The following AKAP13 variants were observed in gnomAD, a reference collection of about 807,000 sequenced individuals.
The protein encoded by AKAP13 is A-kinase anchoring protein 13.
AKAP13 carries 80 observed loss-of-function variants against 264.5 expected under a neutral mutation model. That is an observed-to-expected ratio of 0.30 (90% CI 0.25 to 0.36). AKAP13 has a LOEUF of 0.36. Ranked by LOEUF, AKAP13 falls within the 10% of genes least tolerant of loss-of-function variation. The pLI is 1.00. For synonymous variants in AKAP13, 1,380 were observed against 1,250.2 expected (o/e 1.10, Z -2.19); for missense variants, 3,712 against 3,435.2 (o/e 1.08, Z -2.01).
Position 85,741,441 on chromosome 15 carries a change from G to A in AKAP13, c.8004G>A (p.Leu2668=), listed in dbSNP as rs1488751362. The stretch of plus-strand genomic sequence containing the variant: ...AGCTTGAGAGGGAACAGGAGCAGCT[G>A]CGCCGGGAGGCAGAGCGGCTCAGCC... ...QKQLEREQEQ[L]RREAERLSQR... Residue 2668 remains leucine (L), a synonymous_variant, in exon 35 of 37, where the codon CTG becomes CTA. Transcript: ENST00000394518. 4 of 1,608,852 alleles carry A rather than the reference G, an allele frequency of 2.5e-6. No homozygotes were observed. In the African/African-American group the frequency reaches 5.3e-5, roughly 21 times the overall value.
chr15:85,727,613 A>C lies in AKAP13; in HGVS notation c.7087+150A>C. 1 of 764,884 alleles carries C rather than the reference A, an allele frequency of 1.3e-6. No individual in the cohort carries two copies. The highest frequency in any genetic ancestry group is 1.8e-5 in the South Asian group (1 of 54,560). The allele number at this position is 764,884 out of a possible 1,614,324, so 47.4% of individuals were successfully genotyped here. ...GCAGCAAAATGAATAGCTGTTAACAAAAGAGAAACCAAGGCCAGGCTGACA... is the reference window on the plus strand; with the variant it reads ...GCAGCAAAATGAATAGCTGTTAACACAAGAGAAACCAAGGCCAGGCTGACA... On this transcript the variant is annotated intron_variant, in intron 29 of 36. Coordinates refer to ENST00000394518, the MANE Select transcript of AKAP13 (RefSeq NM_007200.5). This position sits in a 1 kb window ranked among gnomAD's most constrained non-coding sequence, Gnocchi z 5.3.
intron 5 of AKAP13, among the ~76,000 whole-genome samples, chr15:85,556,336 T>A (rs188290923): frequency 1.3e-5 from 2 of 152,322 alleles, no homozygotes; most frequent in Admixed American, 1.3e-4. Flanking sequence ...TTCACCAGTA[T>A]CACTGCAGAT....
intron 1 of AKAP13, among the ~76,000 whole-genome samples, chr15:85,460,525 A>C (rs1322312254): frequency 1.3e-5 from 2 of 152,212 alleles, no homozygotes; most frequent in Middle Eastern, 3.2e-3. Flanking sequence ...AATGGCCCCC[A>C]CAAAGTTGTC....
chr15:85,630,704 A>G (rs545769492), intron 8 of AKAP13, among the ~76,000 whole-genome samples: 2 of 152,330 alleles, frequency 1.3e-5, no homozygotes, highest in African/African-American at 4.8e-5. Context: ...ATAGATTTTA[A>G]AATAGATTTT....
At chr15:85,668,948 TA>T (rs2083755174) in intron 13 of AKAP13, among the ~76,000 whole-genome samples, 1 of 150,396 alleles carries the variant, frequency 6.6e-6, no homozygotes, top group Non-Finnish European at 1.5e-5. Flanking sequence ...GTCTCAAAAA[TA>T]AAAATAGGCT....
At chr15:85,432,234 C>T (rs1328819682) in intron 1 of AKAP13, among the ~76,000 whole-genome samples, 1 of 152,018 alleles carries the variant, frequency 6.6e-6, no homozygotes, top group Non-Finnish European at 1.5e-5. Flanking sequence ...CAAAATCCTG[C>T]CCACTTTATC....
At chr15:85,454,649 A>T (rs977363076) in intron 1 of AKAP13, among the ~76,000 whole-genome samples, 3 of 151,788 alleles carry the variant, frequency 2.0e-5, no homozygotes, top group South Asian at 2.1e-4. Flanking sequence ...TAAACTGTTT[A>T]AAAAAAAATC....
chr15:85,517,998 T>C (rs551227926), intron 2 of AKAP13, among the ~76,000 whole-genome samples: 1 of 152,212 alleles, frequency 6.6e-6, no homozygotes, highest in Non-Finnish European at 1.5e-5. Flanking sequence ...AAAATGATAA[T>C]TGAGAATGTC....
chr15:85,695,882 C>T (rs1218269369), intron 17 of AKAP13, among the ~76,000 whole-genome samples: 5 of 152,338 alleles, frequency 3.3e-5, no homozygotes, highest in Admixed American at 3.3e-4. Flanking sequence ...TAGGACTCTT[C>T]TGGGACACCA....
chr15:85,493,298 A>C (rs2075785678), intron 2 of AKAP13, among the ~76,000 whole-genome samples: 2 of 152,356 alleles, frequency 1.3e-5, no homozygotes, highest in South Asian at 2.1e-4. Flanking sequence ...AAGACTACTA[A>C]AATTTTAATG....
Position 85,645,874 on chromosome 15 carries a change from G to T in AKAP13, c.4294G>T (p.Val1432Leu), listed in dbSNP as rs765255347. The change falls in exon 10 of 37, where the codon GTA becomes TTA. Residue 1432 changes from valine to leucine, a missense_variant. This residue lies in a region of AKAP13 where 2,759 missense variants were observed against 2,411.7 expected (regional missense o/e 1.14). Transcript: ENST00000394518. ...LGRECTSKQG[V>L]LKRESGSDSD... Reference sequence around the variant, plus strand: ...CAGAGAGTGTACCTCAAAACAAGGTGTACTTAAAAGAGAATCTGGGAGTGA... The same window carrying T: ...CAGAGAGTGTACCTCAAAACAAGGTTTACTTAAAAGAGAATCTGGGAGTGA... 4 of 1,613,142 alleles carry T rather than the reference G, an allele frequency of 2.5e-6. No individual in the cohort carries two copies. In the South Asian group the frequency reaches 4.4e-5, roughly 18 times the overall value.
chr15:85,710,740 A>G, intron 19 of AKAP13, 95 bp downstream of exon 19: 1 of 1,320,834 alleles, frequency 7.6e-7, no homozygotes, highest in African/African-American at 1.5e-5. Flanking sequence ...TTCATAGTCA[A>G]GATATGAATA....
intron 1 of AKAP13, among the ~76,000 whole-genome samples, chr15:85,454,141 C>T (rs567462331): frequency 6.0e-4 from 91 of 152,238 alleles, no homozygotes; most frequent in African/African-American, 2.2e-3. Flanking sequence ...GCTGGTCAGT[C>T]CCCTGGATTC....
intron 17 of AKAP13, among the ~76,000 whole-genome samples, chr15:85,705,113 T>C (rs2086155602): frequency 6.6e-6 from 1 of 152,252 alleles, no homozygotes; most frequent in African/African-American, 2.4e-5. Context: ...AGTGAATTTA[T>C]GTGAAAAGTT....
chr15:85,659,049 T>G (rs866050824), intron 12 of AKAP13, among the ~76,000 whole-genome samples: 1 of 152,354 alleles, frequency 6.6e-6, no homozygotes, highest in Middle Eastern at 3.4e-3. Flanking sequence ...ATGAAAGACT[T>G]TATTACTAGG....
At chr15:85,635,026 T>C (rs2082014258) in intron 8 of AKAP13, 1 of 398,062 alleles carries the variant, frequency 2.5e-6, no homozygotes, top group East Asian at 3.6e-5. Flanking sequence ...TTAAAGCGCT[T>C]TAAAAATTCC....
intron 8 of AKAP13, among the ~76,000 whole-genome samples, chr15:85,592,075 A>G (rs1309539234): frequency 9.3e-6 from 1 of 107,548 alleles, no homozygotes; most frequent in African/African-American, 3.5e-5. Flanking sequence ...TTTGGCAATT[A>G]TACAGCCAAA....
Position 85,558,970 on chromosome 15 carries a change from C to A in AKAP13, c.662+15015C>A, listed in dbSNP as rs1352764060. Among the ~76,000 whole-genome samples, 4 of 152,048 alleles carry A rather than the reference C, an allele frequency of 2.6e-5. No individual in the cohort carries two copies. The East Asian group carries it at 7.7e-4, about 29-fold the overall frequency. Reference sequence around the variant, plus strand: ...CTCCTCCTCCCTCCCTTTGCCGTCCCCTCCCCCTCATTTCTTGGAAATTTG... The same window carrying A: ...CTCCTCCTCCCTCCCTTTGCCGTCCACTCCCCCTCATTTCTTGGAAATTTG... On this transcript the variant is annotated intron_variant, in intron 5 of 36. Transcript: ENST00000394518.
At chr15:85,413,701 G>A (rs111856727) in intron 1 of AKAP13, among the ~76,000 whole-genome samples, 378 of 152,266 alleles carry the variant, frequency 2.5e-3, no homozygotes, top group Non-Finnish European at 4.0e-3. Flanking sequence ...CGGTGAGATC[G>A]CAGTGTGTTC....
Sources: gnomAD v4.1 joint callset for allele counts (sites outside exome capture counted in the v4.1 genomes callset) on GRCh38, gnomAD v4.1.1 for gene constraint, gnomAD v4.1.1 regional missense constraint, Gnocchi (gnomAD v3.1) non-coding constraint, MANE v1.5 for transcripts, NCBI Gene and HGNC (gene_info 2026-07-23, HGNC 2026-07-21) for gene names.